The following PCDH11X variants were observed in gnomAD, a reference collection of about 807,000 sequenced individuals.
PCDH11X encodes the protein protocadherin 11 X-linked.
Under a neutral mutation model 53.3 loss-of-function variants are expected in PCDH11X, and 18 were observed. That is an observed-to-expected ratio of 0.34 (90% CI 0.23 to 0.50). PCDH11X has a LOEUF of 0.50. Among genes scored for constraint, PCDH11X ranks in the 20% least tolerant of loss-of-function variants. The probability of loss-of-function intolerance (pLI) is 0.98; values close to 1 mark genes in which losing one functional copy is unlikely to be tolerated. For missense variants in PCDH11X, 570 were observed against 1,032.4 expected (o/e 0.55, Z 6.14); for synonymous variants, 279 against 393.3 (o/e 0.71, Z 3.44).
intron 4 of PCDH11X, among the ~76,000 whole-genome samples, chrX:91,825,526 G>C (rs986081172): frequency 8.9e-6 from 1 of 111,974 alleles, no homozygotes; most frequent in Non-Finnish European, 1.9e-5. Flanking sequence ...GCCTCGCCCT[G>C]CTTCAGCTCG....
intron 4 of PCDH11X, among the ~76,000 whole-genome samples, chrX:91,816,684 G>A (rs1936462566): frequency 9.0e-6 from 1 of 111,412 alleles, no homozygotes; most frequent in East Asian, 2.8e-4. Context: ...AGTGCTCTGA[G>A]CATATATTTA....
At chrX:92,081,711 AAC>A (rs34848503) in intron 6 of PCDH11X, among the ~76,000 whole-genome samples, 293 of 100,738 alleles carry the variant, frequency 2.9e-3, no homozygotes, top group African/African-American at 7.6e-3. Flanking sequence ...CTGAGCCAAT[AAC>A]ACACACACAC....
intron 6 of PCDH11X, among the ~76,000 whole-genome samples, chrX:91,968,541 T>A (rs1212054386): frequency 1.8e-5 from 2 of 111,540 alleles, no homozygotes; most frequent in Non-Finnish European, 3.8e-5. Context: ...GTGATTTATT[T>A]ATTTTTCTTT....
intron 7 of PCDH11X, among the ~76,000 whole-genome samples, chrX:92,235,985 A>C (rs1426807304): frequency 9.0e-6 from 1 of 111,579 alleles, no homozygotes; most frequent in African/African-American, 3.2e-5. Flanking sequence ...ACATTACCAC[A>C]AACTGACATT....
At chrX:91,883,027 C>A in intron 6 of PCDH11X, 2 of 1,111,407 alleles carry the variant, frequency 1.8e-6, no homozygotes, top group Non-Finnish European at 1.2e-6. Context: ...AGGCTAAGAT[C>A]ATTAATTTTG....
At chrX:92,540,352 A>G (rs1165684568) in intron 10 of PCDH11X, among the ~76,000 whole-genome samples, 2 of 108,999 alleles carry the variant, frequency 1.8e-5, no homozygotes, top group African/African-American at 6.7e-5. Context: ...CCACCAGCCC[A>G]TAAGGCGTTC....
At chrX:92,358,647 A>G (rs1339778740) in intron 8 of PCDH11X, among the ~76,000 whole-genome samples, 1 of 103,991 alleles carries the variant, frequency 9.6e-6, no homozygotes, top group Non-Finnish European at 2.0e-5. Flanking sequence ...CTAGTGCTAA[A>G]GTTACCAATG....
In PCDH11X at chrX:92,622,892, T is replaced by C. The variant is rs1364215814; in HGVS notation, c.*3952T>C. On this transcript the variant is annotated 3_prime_UTR_variant, in exon 11 of 11. Transcript: ENST00000682573. ...AATGTATGTGCACAAATAAAAAAAATTAATGGCAATTGTTTAGTGATTGTA... is the reference window on the plus strand; with the variant it reads ...AATGTATGTGCACAAATAAAAAAAACTAATGGCAATTGTTTAGTGATTGTA... 1 of 111,497 alleles carries C rather than the reference T, an allele frequency of 9.0e-6. No individual in the cohort carries two copies. The highest frequency in any genetic ancestry group is 1.9e-5 in the Non-Finnish European group (1 of 52,972). The allele number at this position is 111,497 out of a possible 1,213,427, so 9.2% of individuals were successfully genotyped here. A position where few individuals can be genotyped will look rare whatever the true frequency, so the allele number is the denominator to read the frequency against.
chrX:91,852,891 G>C (rs1214258988), intron 5 of PCDH11X, among the ~76,000 whole-genome samples: 1 of 102,482 alleles, frequency 9.8e-6, no homozygotes, highest in African/African-American at 3.6e-5. Context: ...TCATAAGAGA[G>C]GATTTTGTAT....
intron 7 of PCDH11X, among the ~76,000 whole-genome samples, chrX:92,222,175 G>C (rs2066894804): frequency 9.1e-6 from 1 of 110,469 alleles, no homozygotes; most frequent in African/African-American, 3.3e-5. Flanking sequence ...TACAATGGCA[G>C]GGAGCTCTTT....
rs757320553 is a variant in PCDH11X, at chrX:91,877,722, C to T, written c.1482C>T (p.Asp494=). 7 of 1,209,674 alleles carry T rather than the reference C, an allele frequency of 5.8e-6. No homozygotes were observed. The African/African-American group carries it at 7.0e-5, about 12-fold the overall frequency. ...QLTKVSAMDA[D]SGPNAKINYL... The stretch of plus-strand genomic sequence containing the variant: ...CGAAAGTAAGTGCAATGGATGCAGA[C>T]AGTGGGCCTAATGCTAAGATCAATT... Residue 494 remains aspartate, a synonymous_variant, in exon 6 of 11, where the codon GAC becomes GAT. Coordinates refer to ENST00000682573, the MANE Select transcript of PCDH11X (RefSeq NM_032968.5).
chrX:92,114,040 C>A lies in PCDH11X; in HGVS notation c.3034-87335C>A, dbSNP rs1047763220. The A allele has an allele frequency of 4.2e-6, 5 of 1,196,272 alleles. No individual in the cohort carries two copies. The Admixed American group carries it at 1.1e-4, about 26-fold the overall frequency. On this transcript the variant is annotated intron_variant, in intron 6 of 10. Transcript: ENST00000682573. ...CATCTGCAGTTTCTGCACCTCAGCA[C>A]GCACATTGGTGCCCCTGATACAGGC...
chrX:92,147,984 CCTTTCTTT>C (rs1164396401), intron 6 of PCDH11X, among the ~76,000 whole-genome samples: 3 of 72,103 alleles, frequency 4.2e-5, no homozygotes, highest in Admixed American at 1.5e-4. Flanking sequence ...TTCCTTCCTT[CCTTTCTTT>C]CTTTCTTTCT....
chrX:92,195,509 T>C (rs2066278553), intron 6 of PCDH11X, among the ~76,000 whole-genome samples: 1 of 111,553 alleles, frequency 9.0e-6, no homozygotes. Flanking sequence ...AGGATCCTCA[T>C]TACCTTGTGC....
Position 92,109,010 on chromosome X carries a change from T to C in PCDH11X, c.3034-92365T>C, listed in dbSNP as rs776122303. Among the ~76,000 whole-genome samples, 251 of 111,612 alleles carry C rather than the reference T, an allele frequency of 2.2e-3. 1 individual carries two copies. Among genetic ancestry groups the C allele is most frequent in the Non-Finnish European group, 2.9e-3 (152 of 53,148 alleles). ...AAAGAGTAATTCACTCAGAGCCGGC[T>C]GTGTGGGAGACTGGAGTTTTATTAT... On this transcript the variant is annotated intron_variant, in intron 6 of 10. Coordinates refer to ENST00000682573, the MANE Select transcript of PCDH11X (RefSeq NM_032968.5).
chrX:92,022,609 T>C (rs2062904141), intron 6 of PCDH11X, among the ~76,000 whole-genome samples: 2 of 104,064 alleles, frequency 1.9e-5, no homozygotes, highest in South Asian at 8.9e-4. Flanking sequence ...CTGTCAATAT[T>C]AGACAGATCA....
intron 5 of PCDH11X, among the ~76,000 whole-genome samples, chrX:91,867,735 A>C (rs1939065202): frequency 9.0e-6 from 1 of 110,805 alleles, no homozygotes; most frequent in South Asian, 3.8e-4. Context: ...TTCAGTTATC[A>C]CTTATCCCGG....
At chrX:92,008,202 A>C (rs1206058267) in intron 6 of PCDH11X, among the ~76,000 whole-genome samples, 1 of 110,744 alleles carries the variant, frequency 9.0e-6, no homozygotes, top group Non-Finnish European at 1.9e-5. Context: ...CTCTGGGCCT[A>C]GTTCAGCACT....
intron 6 of PCDH11X, among the ~76,000 whole-genome samples, chrX:91,958,484 C>T (rs1000179963): frequency 4.5e-5 from 5 of 110,955 alleles, no homozygotes; most frequent in Middle Eastern, 4.6e-3. Flanking sequence ...GCTCATGAGG[C>T]GATATCCAGA....
Sources: gnomAD v4.1 joint callset for allele counts (sites outside exome capture counted in the v4.1 genomes callset) on GRCh38, gnomAD v4.1.1 for gene constraint, MANE v1.5 for transcripts, NCBI Gene and HGNC (gene_info 2026-07-23, HGNC 2026-07-21) for gene names.